Variants in GRM3 observed in about 807,000 individuals in gnomAD.
GRM3 encodes the protein glutamate metabotropic receptor 3, also known as metabotropic glutamate receptor 3.
A neutral mutation model predicts 70.5 loss-of-function variants in GRM3; 26 were observed. That is an observed-to-expected ratio of 0.37 (90% CI 0.27 to 0.51). The LOEUF is 0.51. Ranked by LOEUF, GRM3 falls within the 20% of genes least tolerant of loss-of-function variation. GRM3 has a pLI of 0.93. For missense variants in GRM3, 859 were observed against 1,123.8 expected (o/e 0.76, Z 3.37); for synonymous variants, 443 against 434.9 (o/e 1.02, Z -0.23).
intron 1 of GRM3, among the ~76,000 whole-genome samples, chr7:86,649,409 T>G (rs1793553676): frequency 6.6e-6 from 1 of 152,178 alleles, no homozygotes. Context: ...CACTGTACTT[T>G]AAGGAGAGAA....
intron 1 of GRM3, among the ~76,000 whole-genome samples, chr7:86,649,203 A>G (rs1793549335): frequency 6.6e-6 from 1 of 152,176 alleles, no homozygotes. Context: ...TATTCATCAC[A>G]TAGTGGTGAG....
intron 1 of GRM3, among the ~76,000 whole-genome samples, chr7:86,688,156 G>C (rs1794610260): frequency 6.6e-6 from 1 of 151,282 alleles, no homozygotes; most frequent in Admixed American, 6.6e-5. Flanking sequence ...CCTCAAAACT[G>C]AAAGAGAATT....
chr7:86,711,874 T>C (rs1795207927), intron 1 of GRM3, among the ~76,000 whole-genome samples: 1 of 152,050 alleles, frequency 6.6e-6, no homozygotes, highest in South Asian at 2.1e-4. Context: ...ATCTCTTCTA[T>C]TAGGGTACAT....
At chr7:86,694,714 C>T (rs1648272799) in intron 1 of GRM3, among the ~76,000 whole-genome samples, 2 of 152,094 alleles carry the variant, frequency 1.3e-5, no homozygotes, top group Admixed American at 1.3e-4. Context: ...TTTCACTTAA[C>T]AAGTGACTTT....
intron 1 of GRM3, among the ~76,000 whole-genome samples, chr7:86,658,005 G>C (rs1793790604): frequency 6.6e-6 from 1 of 152,180 alleles, no homozygotes; most frequent in Non-Finnish European, 1.5e-5. Flanking sequence ...ACAGGAAAAT[G>C]TAACAATCAA....
chr7:86,657,016 T>A (rs566747525), intron 1 of GRM3, among the ~76,000 whole-genome samples: 2 of 152,338 alleles, frequency 1.3e-5, no homozygotes, highest in African/African-American at 4.8e-5. Context: ...TGTTAATATC[T>A]TCCATTAATA....
chr7:86,786,990 A>C lies in GRM3; in HGVS notation c.1198A>C (p.Met400Leu). ...IMFVVNAVYA[M>L]AHALHKMQRT... Reference sequence around the variant, plus strand: ...GTTTGTGGTGAACGCGGTGTATGCCATGGCCCACGCTTTGCACAAAATGCA... The same window carrying C: ...GTTTGTGGTGAACGCGGTGTATGCCCTGGCCCACGCTTTGCACAAAATGCA... The change falls in exon 3 of 6, where the codon ATG becomes CTG. Residue 400 changes from methionine (M) to leucine (L), a missense_variant. Physicochemically the swap from Met to Leu is conservative, Grantham distance 15 (BLOSUM62 2). Coordinates refer to ENST00000361669, the MANE Select transcript of GRM3 (RefSeq NM_000840.3). The surrounding 1 kb of genome is among the most constrained non-coding windows in gnomAD (Gnocchi z 6.0). 1 of 1,614,160 alleles carries C rather than the reference A, an allele frequency of 6.2e-7. No individual in the cohort carries two copies. Among genetic ancestry groups the C allele is most frequent in the Non-Finnish European group, 8.5e-7 (1 of 1,180,010 alleles).
chr7:86,841,717 A>G (rs1035296395), intron 4 of GRM3, among the ~76,000 whole-genome samples: 4 of 152,332 alleles, frequency 2.6e-5, no homozygotes, highest in Admixed American at 2.6e-4. Context: ...GAGAATAAAC[A>G]TAAATAACAT....
At chr7:86,848,139 AG>A (rs1798692019) in intron 4 of GRM3, among the ~76,000 whole-genome samples, 1 of 152,216 alleles carries the variant, frequency 6.6e-6, no homozygotes. Context: ...ATATGCTTTT[AG>A]GTAACATAAG....
At chr7:86,691,049 TACCATTTCC>T (rs1185831198) in intron 1 of GRM3, among the ~76,000 whole-genome samples, 1 of 152,184 alleles carries the variant, frequency 6.6e-6, no homozygotes, top group Non-Finnish European at 1.5e-5. Flanking sequence ...TTTCCTCTAC[TACCATTTCC>T]TAGTTGCCCA....
At chr7:86,738,830 G>C (rs1021881293) in intron 1 of GRM3, among the ~76,000 whole-genome samples, 2 of 152,206 alleles carry the variant, frequency 1.3e-5, no homozygotes, top group Admixed American at 6.5e-5. Context: ...AATATACATT[G>C]TGAAATGACC....
chr7:86,738,258 A>T (rs1408417810), intron 1 of GRM3, among the ~76,000 whole-genome samples: 3 of 152,190 alleles, frequency 2.0e-5, no homozygotes, highest in Admixed American at 6.6e-5. Context: ...CAGAAAATGG[A>T]GCTAGACTGG....
chr7:86,749,271 AC>A (rs893007847), intron 1 of GRM3, among the ~76,000 whole-genome samples: 3 of 151,986 alleles, frequency 2.0e-5, no homozygotes, highest in Non-Finnish European at 4.4e-5. Context: ...TGTGTGCCCC[AC>A]CACAGGTCCT....
intron 1 of GRM3, among the ~76,000 whole-genome samples, chr7:86,759,427 T>C (rs192530641): frequency 3.7e-4 from 57 of 152,278 alleles, no homozygotes; most frequent in African/African-American, 1.4e-3. Flanking sequence ...CTTTGTTATC[T>C]GAATGAAATT....
chr7:86,808,356 G>C (rs878859086), intron 3 of GRM3, among the ~76,000 whole-genome samples: 2 of 152,082 alleles, frequency 1.3e-5, no homozygotes, highest in Admixed American at 1.3e-4. Flanking sequence ...GTAGAATTCA[G>C]CTGTGAATCC....
chr7:86,727,629 G>A (rs1189228435), intron 1 of GRM3, among the ~76,000 whole-genome samples: 1 of 152,144 alleles, frequency 6.6e-6, no homozygotes, highest in Non-Finnish European at 1.5e-5. Context: ...CACTGACCAA[G>A]CAGATGTTTA....
At chr7:86,806,217 AT>A (rs1797789325) in intron 3 of GRM3, among the ~76,000 whole-genome samples, 1 of 152,194 alleles carries the variant, frequency 6.6e-6, no homozygotes, top group African/African-American at 2.4e-5. Context: ...ATACATGTGC[AT>A]GTGTCTATAT....
intron 1 of GRM3, among the ~76,000 whole-genome samples, chr7:86,755,669 A>G (rs1481599124): frequency 6.6e-6 from 1 of 152,180 alleles, no homozygotes; most frequent in Non-Finnish European, 1.5e-5. Flanking sequence ...ATTAGCAGCA[A>G]TAAAATTAAA....
At chr7:86,846,359 CTTG>C (rs1238070046) in intron 4 of GRM3, among the ~76,000 whole-genome samples, 2 of 152,192 alleles carry the variant, frequency 1.3e-5, no homozygotes, top group Non-Finnish European at 2.9e-5. Context: ...GCGTATGTGT[CTTG>C]TTGTCTCAAC....
Sources: allele counts gnomAD v4.1 joint callset (sites outside exome capture counted in the v4.1 genomes callset), GRCh38; gene constraint gnomAD v4.1.1; non-coding constraint Gnocchi (gnomAD v3.1); transcripts MANE v1.5; gene names NCBI Gene and HGNC (gene_info 2026-07-23, HGNC 2026-07-21).